The following NEBL variants were observed in gnomAD, a reference collection of about 807,000 sequenced individuals.
The protein encoded by NEBL is nebulette, also known as LIM and SH3 protein 2.
NEBL carries 122 observed loss-of-function variants against 140.2 expected under a neutral mutation model. The ratio of observed to expected loss-of-function variants is 0.87; its 90% CI spans 0.75 to 1.01. The LOEUF is 1.01. Ranked by LOEUF, NEBL falls within the 50% of genes least tolerant of loss-of-function variation. The probability of loss-of-function intolerance (pLI) is 0.00; values close to 1 mark genes in which losing one functional copy is unlikely to be tolerated. For missense variants in NEBL, 1,365 were observed against 1,231.3 expected, an observed-to-expected ratio of 1.11 and a Z score of -1.62; for synonymous variants, 436 against 398.9, an observed-to-expected ratio of 1.09 and a Z score of -1.11.
chr10:20,818,649 A>G, intron 20 of NEBL: 1 of 288,804 alleles, frequency 3.5e-6, no homozygotes, highest in Non-Finnish European at 5.2e-6. Context: ...GCATTTTTTT[A>G]AAGAGATTTA....
At chr10:21,076,558 C>T (rs1349894214) in intron 2 of NEBL, among the ~76,000 whole-genome samples, 1 of 147,278 alleles carries the variant, frequency 6.8e-6, no homozygotes. Flanking sequence ...AATATTTATA[C>T]ATCCATGGTC....
chr10:21,024,853 T>C (rs1043014556), intron 2 of NEBL, among the ~76,000 whole-genome samples: 1 of 152,026 alleles, frequency 6.6e-6, no homozygotes, highest in Admixed American at 6.6e-5. Flanking sequence ...CCAGATAAGA[T>C]AAGAAATAAA....
At chr10:21,008,651 A>G (rs1301890932) in intron 3 of NEBL, among the ~76,000 whole-genome samples, 1 of 152,204 alleles carries the variant, frequency 6.6e-6, no homozygotes, top group South Asian at 2.1e-4. Flanking sequence ...AAAAAATAAT[A>G]GATGTTGGCG....
At position 20,845,236 on chromosome 10, in the gene NEBL, A is replaced by G. The variant is rs1465400722; in HGVS notation, c.1227+22T>C. On this transcript the variant is annotated intron_variant, in intron 12 of 27. Transcript: ENST00000377122. The stretch of plus-strand genomic sequence containing the variant: ...TCTTTACTTTTCTTCATAATATTTA[A>G]TAATAAACACCAAGATCGTACCTCC... The G allele has an allele frequency of 2.9e-6, 4 of 1,397,540 alleles. No individual in the cohort carries two copies. In the African/African-American group the frequency reaches 5.7e-5, roughly 20 times the overall value. 86.6% of individuals were successfully genotyped at this position (1,397,540 alleles called of 1,614,324 possible).
Position 20,783,574 on chromosome 10 carries a change from C to T in NEBL, c.*2173G>A, listed in dbSNP as rs1835168629. On this transcript the variant is annotated 3_prime_UTR_variant, in exon 28 of 28. Transcript: ENST00000377122. ...TTTCAAGTCAGTTTTCATTGCGGTT[C>T]TTATAAATGTGCTATTTATCCAAAA... 6.6e-6 allele frequency: 1 copy of T among 152,276 alleles called. No individual in the cohort carries two copies. Among genetic ancestry groups the T allele is most frequent in the Non-Finnish European group, 1.5e-5 (1 of 68,016 alleles). 9.4% of individuals were successfully genotyped at this position (152,276 alleles called of 1,614,324 possible).
At chr10:21,233,752 A>T (rs1170225295) in intron 3 of NEBL, among the ~76,000 whole-genome samples, 1 of 130,872 alleles carries the variant, frequency 7.6e-6, no homozygotes, top group Admixed American at 7.7e-5. Flanking sequence ...TATATATTAC[A>T]TATAGATATA....
intron 2 of NEBL, among the ~76,000 whole-genome samples, chr10:21,080,337 G>C (rs1213588883): frequency 3.3e-5 from 5 of 152,198 alleles, no homozygotes; most frequent in Admixed American, 3.3e-4. Context: ...CCGTGCATGA[G>C]ACATATATTT....
At chr10:20,893,031 C>T (rs1847154327) in intron 2 of NEBL, among the ~76,000 whole-genome samples, 2 of 152,216 alleles carry the variant, frequency 1.3e-5, no homozygotes, top group African/African-American at 4.8e-5. Flanking sequence ...AAGGATTTAC[C>T]CACAACAACG....
Position 20,918,799 on chromosome 10 carries a change from C to T in NEBL, c.357+42873G>A, listed in dbSNP as rs894819630. Among the ~76,000 whole-genome samples, 21 of 150,484 alleles carry T rather than the reference C, an allele frequency of 1.4e-4. 1 individual carries two copies. The highest frequency in any genetic ancestry group is 9.3e-4 in the Admixed American group (14 of 15,118). ...CCGGGAGGTAGAGCTTGCAGTGAGC[C>T]GAGATTGCACCACTGCACTCCAGCC... On this transcript the variant is annotated intron_variant, in intron 4 of 6. Transcript: ENST00000417816.
chr10:20,897,535 T>G (rs947309071), upstream of NEBL: 8 of 1,083,226 alleles, frequency 7.4e-6, no homozygotes, highest in Non-Finnish European at 6.7e-6. Context: ...ACTAATTCTA[T>G]TCATTCATAA....
intron 7 of NEBL, among the ~76,000 whole-genome samples, chr10:20,861,220 C>G (rs1038806565): frequency 6.6e-6 from 1 of 152,170 alleles, no homozygotes; most frequent in African/African-American, 2.4e-5. Flanking sequence ...CTCTATCACC[C>G]AGGCTGGAGT....
chr10:20,859,497 C>T (rs561846260), intron 8 of NEBL, among the ~76,000 whole-genome samples: 1 of 152,100 alleles, frequency 6.6e-6, no homozygotes, highest in African/African-American at 2.4e-5. Flanking sequence ...ACTTCATTTG[C>T]AACACTATTC....
upstream of NEBL, among the ~76,000 whole-genome samples, chr10:21,177,687 G>A (rs540521338): frequency 5.3e-5 from 8 of 151,936 alleles, no homozygotes; most frequent in South Asian, 2.1e-4. Context: ...CCACCACCAC[G>A]CCCGGCTAAT....
chr10:20,804,946 A>G (rs1230319242), intron 26 of NEBL, among the ~76,000 whole-genome samples: 26 of 152,184 alleles, frequency 1.7e-4, no homozygotes, highest in Admixed American at 1.7e-3. Flanking sequence ...GTGTGGCCAG[A>G]GCAGAAGCAG....
intron 2 of NEBL, among the ~76,000 whole-genome samples, chr10:21,066,021 C>T (rs1361605482): frequency 1.3e-5 from 2 of 152,202 alleles, no homozygotes; most frequent in African/African-American, 4.8e-5. Context: ...TCAATTCACC[C>T]TCCTCTTAGA....
At chr10:21,265,375 C>T (rs1842786402) in intron 1 of NEBL, among the ~76,000 whole-genome samples, 1 of 152,178 alleles carries the variant, frequency 6.6e-6, no homozygotes, top group Non-Finnish European at 1.5e-5. Context: ...CAAACCACAG[C>T]AGCCTCTTAC....
At position 20,897,141 on chromosome 10, in the gene NEBL, T is replaced by C. The variant is rs775730258; in HGVS notation, c.65A>G (p.Glu22Gly). Residue 22 changes from glutamate (E) to glycine (G), a missense_variant, in exon 1 of 28, where the codon GAA (glutamate) becomes GGA (glycine). Glu to Gly is a moderately conservative substitution (Grantham distance 98, BLOSUM62 -2). This residue lies in a region of NEBL where 1,323 missense variants were observed against 1,154.8 expected (regional missense o/e 1.15). Transcript: ENST00000377122. Reference protein sequence around the residue: ...ETEEEKIGEEENEEDQVFYKP... With the variant: ...ETEEEKIGEEGNEEDQVFYKP... ...CTCACTCACCTGGTCTTCTTCATTT[T>C]CTTCTTCCCCTATCTTTTCTTCTTC... is the stretch of plus-strand genomic sequence containing the variant. The C allele has an allele frequency of 1.2e-6, 2 of 1,604,832 alleles. No individual in the cohort carries two copies. The highest frequency in any genetic ancestry group is 1.7e-5 in the Admixed American group (1 of 60,022).
chr10:21,055,582 G>A (rs74704549), intron 2 of NEBL, among the ~76,000 whole-genome samples: 239 of 152,216 alleles, frequency 1.6e-3, no homozygotes, highest in African/African-American at 4.6e-3. Flanking sequence ...TATGCCACTT[G>A]GGGATGTTAT....
At chr10:21,193,206 G>A (rs1271766652) in intron 3 of NEBL, among the ~76,000 whole-genome samples, 2 of 152,140 alleles carry the variant, frequency 1.3e-5, no homozygotes, top group Non-Finnish European at 2.9e-5. Flanking sequence ...TAGAAATATG[G>A]GGGAAGACGT....
Sources: allele counts gnomAD v4.1 joint callset (sites outside exome capture counted in the v4.1 genomes callset), GRCh38; gene constraint gnomAD v4.1.1; regional missense constraint gnomAD v4.1.1; transcripts MANE v1.5; gene names NCBI Gene and HGNC (gene_info 2026-07-23, HGNC 2026-07-21).